Variants in SGCZ observed in about 807,000 individuals in gnomAD.
The protein encoded by SGCZ is zeta-sarcoglycan.
Under a neutral mutation model 41.3 loss-of-function variants are expected in SGCZ, and 40 were observed. The ratio of observed to expected loss-of-function variants is 0.97; its 90% CI spans 0.75 to 1.26. The LOEUF is 1.26. SGCZ is among the 50% of genes most tolerant of loss of function. The probability of loss-of-function intolerance (pLI) is 0.00; values close to 1 mark genes in which losing one functional copy is unlikely to be tolerated. For synonymous variants in SGCZ, 206 were observed against 137.5 expected (o/e 1.50, Z -3.49); for missense variants, 552 against 369.8 (o/e 1.49, Z -4.04).
intron 1 of SGCZ, among the ~76,000 whole-genome samples, chr8:14,715,428 G>A (rs1365389150): frequency 2.0e-5 from 3 of 151,958 alleles, no homozygotes; most frequent in African/African-American, 4.8e-5. Context: ...ATTCACAAAG[G>A]TATCTGCCCA....
chr8:14,229,717 T>C (rs767295331), intron 4 of SGCZ, among the ~76,000 whole-genome samples: 34 of 152,178 alleles, frequency 2.2e-4, no homozygotes, highest in Middle Eastern at 3.4e-3. Context: ...CATAACCTTC[T>C]ACTTTTTATA....
chr8:14,628,377 T>C (rs913750762), intron 1 of SGCZ, among the ~76,000 whole-genome samples: 1 of 152,070 alleles, frequency 6.6e-6, no homozygotes, highest in African/African-American at 2.4e-5. Context: ...GAGCACTGTG[T>C]TCTCCTGTTT....
At chr8:14,887,533 A>G (rs1199990388) in intron 1 of SGCZ, among the ~76,000 whole-genome samples, 1 of 152,192 alleles carries the variant, frequency 6.6e-6, no homozygotes, top group Non-Finnish European at 1.5e-5. Context: ...AAAACATTCC[A>G]TCAAAAATAG....
intron 1 of SGCZ, among the ~76,000 whole-genome samples, chr8:14,863,592 T>C (rs1167136526): frequency 6.6e-6 from 1 of 152,170 alleles, no homozygotes; most frequent in Non-Finnish European, 1.5e-5. Context: ...TCTAACACTT[T>C]CACTGCTTTA....
At chr8:14,265,074 A>C (rs1799826179) in intron 3 of SGCZ, among the ~76,000 whole-genome samples, 2 of 152,206 alleles carry the variant, frequency 1.3e-5, no homozygotes, top group Non-Finnish European at 1.5e-5. Flanking sequence ...CACAAACATC[A>C]AGAATATTTA....
At chr8:14,603,370 T>C (rs1805653287) in intron 1 of SGCZ, among the ~76,000 whole-genome samples, 1 of 152,146 alleles carries the variant, frequency 6.6e-6, no homozygotes, top group Non-Finnish European at 1.5e-5. Context: ...CAAATGATTG[T>C]TGAAAAAAGG....
chr8:14,701,921 A>C (rs1809150531), intron 1 of SGCZ, among the ~76,000 whole-genome samples: 1 of 151,818 alleles, frequency 6.6e-6, no homozygotes, highest in Non-Finnish European at 1.5e-5. Context: ...AAAACGAACA[A>C]ACTAATAAAC....
At chr8:15,107,650 T>A (rs1806882781) in intron 1 of SGCZ, among the ~76,000 whole-genome samples, 1 of 152,176 alleles carries the variant, frequency 6.6e-6, no homozygotes, top group South Asian at 2.1e-4. Context: ...ACATAAACCT[T>A]TTTTTTGTTT....
At chr8:14,654,469 A>G (rs1807497283) in intron 1 of SGCZ, among the ~76,000 whole-genome samples, 1 of 152,264 alleles carries the variant, frequency 6.6e-6, no homozygotes, top group Admixed American at 6.5e-5. Context: ...GCATGTAAAA[A>G]TATTTAAATC....
intron 1 of SGCZ, among the ~76,000 whole-genome samples, chr8:14,967,681 C>G: frequency 6.6e-6 from 1 of 152,076 alleles, no homozygotes; most frequent in African/African-American, 2.4e-5. Context: ...GAGATTTTCC[C>G]CTAAATATCT....
At chr8:14,370,331 C>G (rs970041932) in intron 2 of SGCZ, among the ~76,000 whole-genome samples, 1 of 152,014 alleles carries the variant, frequency 6.6e-6, no homozygotes, top group Non-Finnish European at 1.5e-5. Context: ...TTCATGTAAA[C>G]AGCCTGTAGT....
chr8:14,562,510 C>T (rs1804236843), intron 1 of SGCZ, among the ~76,000 whole-genome samples: 1 of 151,926 alleles, frequency 6.6e-6, no homozygotes, highest in Non-Finnish European at 1.5e-5. Context: ...ATATAATGGA[C>T]ATGGTAATAT....
intron 1 of SGCZ, chr8:14,690,525 G>C (rs976786184): frequency 6.6e-5 from 10 of 152,056 alleles, no homozygotes; most frequent in African/African-American, 9.7e-5. Context: ...GGCCAAAAGG[G>C]GTGTCTGGAA....
intron 1 of SGCZ, among the ~76,000 whole-genome samples, chr8:14,900,585 CA>C (rs1289188072): frequency 6.6e-6 from 1 of 152,152 alleles, no homozygotes; most frequent in East Asian, 1.9e-4. Flanking sequence ...AGCCCATATG[CA>C]AAATATCTGT....
chr8:14,925,516 T>G (rs1200025253), intron 1 of SGCZ, among the ~76,000 whole-genome samples: 1 of 152,204 alleles, frequency 6.6e-6, no homozygotes, highest in East Asian at 1.9e-4. Flanking sequence ...GTTTTCATTC[T>G]CAAGGAGATG....
intron 5 of SGCZ, among the ~76,000 whole-genome samples, chr8:14,134,564 T>A (rs979221456): frequency 6.6e-6 from 1 of 152,234 alleles, no homozygotes. Flanking sequence ...AGTTACTGTA[T>A]GTTATTTTGC....
intron 4 of SGCZ, among the ~76,000 whole-genome samples, chr8:14,167,282 G>A (rs1804239577): frequency 6.6e-6 from 1 of 152,060 alleles, no homozygotes; most frequent in African/African-American, 2.4e-5. Context: ...GATAGGTCAA[G>A]GCAGGATTCA....
rs192937228 is a variant in SGCZ, at chr8:14,729,261, C to G, written c.40-174335G>C. ...GTCACGACAACGCTTAATGACTGCC[C>G]ACCAAAGCCTTGGCTGATCCACACC... is the stretch of plus-strand genomic sequence containing the variant. On this transcript the variant is annotated intron_variant, in intron 1 of 7. Coordinates refer to ENST00000382080, the MANE Select transcript of SGCZ (RefSeq NM_139167.4). Among the ~76,000 whole-genome samples, 131 of 152,198 alleles carry G rather than the reference C, an allele frequency of 8.6e-4. 1 individual carries two copies. Among genetic ancestry groups the G allele is most frequent in the African/African-American group, 3.0e-3 (125 of 41,538 alleles).
Position 14,239,032 on chromosome 8 carries a change from GT to G in SGCZ, c.337-1354del, listed in dbSNP as rs200266975. 2.6e-3 allele frequency among the ~76,000 whole-genome samples: 395 copies of G among 150,266 alleles called. 1 individual carries two copies. The highest frequency in any genetic ancestry group is 8.6e-3 in the African/African-American group (352 of 41,068). ...CAGATTTAAAAGAAAAAAAAGTCTA[GT>G]TTTTTTTTCCATAGGTGTAACTACC... On this transcript the variant is annotated intron_variant, in intron 3 of 7. Coordinates refer to ENST00000382080, the MANE Select transcript of SGCZ (RefSeq NM_139167.4).
Sources: gnomAD v4.1 joint callset for allele counts (sites outside exome capture counted in the v4.1 genomes callset) on GRCh38, gnomAD v4.1.1 for gene constraint, MANE v1.5 for transcripts, NCBI Gene and HGNC (gene_info 2026-07-23, HGNC 2026-07-21) for gene names.